Variants in ROBO1 observed in about 807,000 individuals in gnomAD.
ROBO1 encodes roundabout guidance receptor 1, also known as roundabout homolog 1.
In ROBO1, 149 loss-of-function variants were observed where a neutral mutation model predicts 195.9. That is an observed-to-expected ratio of 0.76 (90% CI 0.67 to 0.87). The LOEUF (loss-of-function observed/expected upper bound fraction) is 0.87, where lower values mean the gene tolerates loss of function less well. Among genes scored for constraint, ROBO1 ranks in the 40% least tolerant of loss-of-function variants. The probability of loss-of-function intolerance (pLI) is 0.00; values close to 1 mark genes in which losing one functional copy is unlikely to be tolerated. For missense variants in ROBO1, 1,933 were observed against 2,068.3 expected (o/e 0.93, Z 1.27); for synonymous variants, 816 against 733.2 (o/e 1.11, Z -1.82).
intron 2 of ROBO1, among the ~76,000 whole-genome samples, chr3:79,490,472 CAT>C (rs374571811): frequency 1.9e-3 from 287 of 152,198 alleles, no homozygotes; most frequent in South Asian, 6.6e-3. Flanking sequence ...TGCCCAATAA[CAT>C]ATATATTTAA....
chr3:78,844,903 C>T (rs753949821), intron 4 of ROBO1, among the ~76,000 whole-genome samples: 10 of 151,902 alleles, frequency 6.6e-5, no homozygotes, highest in Admixed American at 6.6e-4. Flanking sequence ...ATTAAGTGCA[C>T]CACCAAATAA....
intron 4 of ROBO1, among the ~76,000 whole-genome samples, chr3:78,819,028 G>T (rs916600872): frequency 6.6e-6 from 1 of 152,122 alleles, no homozygotes; most frequent in African/African-American, 2.4e-5. Context: ...TGTACAAAGG[G>T]TTTGGTACTA....
intron 2 of ROBO1, among the ~76,000 whole-genome samples, chr3:79,373,190 T>A (rs1200529780): frequency 2.6e-5 from 4 of 152,230 alleles, no homozygotes; most frequent in African/African-American, 9.6e-5. Context: ...CTGTTCCATA[T>A]TTGTAACTAC....
At chr3:78,760,206 T>G (rs1012564536) in intron 4 of ROBO1, among the ~76,000 whole-genome samples, 6 of 152,182 alleles carry the variant, frequency 3.9e-5, no homozygotes, top group Admixed American at 6.5e-5. Flanking sequence ...TGTGGAACTG[T>G]GAGTCCATTA....
chr3:79,591,802 T>C (rs191101129), intron 1 of ROBO1, among the ~76,000 whole-genome samples: 2 of 151,858 alleles, frequency 1.3e-5, no homozygotes, highest in Admixed American at 1.3e-4. Context: ...TCATTTCTGC[T>C]TGGCTGGCTT....
At chr3:79,283,959 A>G (rs541804727) in intron 2 of ROBO1, among the ~76,000 whole-genome samples, 1 of 152,028 alleles carries the variant, frequency 6.6e-6, no homozygotes, top group East Asian at 1.9e-4. Context: ...GGCCTCCCAA[A>G]GTGCTGGGAT....
chr3:78,920,595 G>A lies in ROBO1; in HGVS notation c.499+18006C>T, dbSNP rs1372860726. On this transcript the variant is annotated intron_variant, in intron 4 of 30. Transcript: ENST00000464233. ...GCTGGGATTACAGGCATGAGCCACCGTACCCAGCCTTTCTTTTTCTTTCTT... is the reference window on the plus strand; with the variant it reads ...GCTGGGATTACAGGCATGAGCCACCATACCCAGCCTTTCTTTTTCTTTCTT... Among the ~76,000 whole-genome samples the A allele has an allele frequency of 7.1e-5, 10 of 140,440 alleles. No homozygotes were observed. In the East Asian group the frequency reaches 8.5e-4, roughly 12 times the overall value. 92.1% of individuals were successfully genotyped at this position (140,440 alleles called of 152,430 possible). A position where few individuals can be genotyped will look rare whatever the true frequency, so the allele number is the denominator to read the frequency against.
At chr3:79,571,461 G>A (rs1943276986) in intron 2 of ROBO1, among the ~76,000 whole-genome samples, 1 of 151,920 alleles carries the variant, frequency 6.6e-6, no homozygotes, top group African/African-American at 2.4e-5. Flanking sequence ...ACTCAAAGGG[G>A]GGAAAAAGCC....
intron 28 of ROBO1, chr3:78,607,391 T>G (rs1575765080): frequency 4.8e-6 from 1 of 207,988 alleles, no homozygotes; most frequent in African/African-American, 2.3e-5. Context: ...TTTTGTGTTT[T>G]TTGTAGAGAT....
intron 2 of ROBO1, among the ~76,000 whole-genome samples, chr3:79,146,790 A>G (rs1474863407): frequency 6.6e-6 from 1 of 151,996 alleles, no homozygotes; most frequent in Non-Finnish European, 1.5e-5. Flanking sequence ...ATCTAGAAAA[A>G]TTAACATAGA....
At chr3:78,847,614 C>CA (rs1403634297) in intron 4 of ROBO1, among the ~76,000 whole-genome samples, 2 of 152,102 alleles carry the variant, frequency 1.3e-5, no homozygotes, top group African/African-American at 4.8e-5. Flanking sequence ...CGAAGGACTT[C>CA]AAAAAATTCT....
At chr3:79,502,716 T>G (rs111232907) in intron 2 of ROBO1, among the ~76,000 whole-genome samples, 41,490 of 146,090 alleles carry the variant, frequency 0.28, 6,880 homozygotes, top group African/African-American at 0.39. Context: ...AATCTTTATG[T>G]CTAGCTAAGG....
At chr3:78,869,732 T>C (rs1029001571) in intron 4 of ROBO1, among the ~76,000 whole-genome samples, 2 of 152,180 alleles carry the variant, frequency 1.3e-5, no homozygotes. Flanking sequence ...GTGCTGGGGT[T>C]ACATACATGG....
chr3:79,201,506 G>A (rs994976145), intron 2 of ROBO1, among the ~76,000 whole-genome samples: 1 of 152,016 alleles, frequency 6.6e-6, no homozygotes, highest in East Asian at 1.9e-4. Context: ...TACTAATGGG[G>A]AAACTGAGGC....
At chr3:79,043,427 C>A (rs1159097374) in intron 3 of ROBO1, among the ~76,000 whole-genome samples, 3 of 151,904 alleles carry the variant, frequency 2.0e-5, no homozygotes, top group Non-Finnish European at 2.9e-5. Context: ...TTGAAACAAT[C>A]CTTTGGAAAG....
intron 2 of ROBO1, among the ~76,000 whole-genome samples, chr3:79,207,941 A>G (rs2081900919): frequency 6.6e-6 from 1 of 152,120 alleles, no homozygotes; most frequent in Non-Finnish European, 1.5e-5. Flanking sequence ...TCATCTCTTA[A>G]TAATTCAGGA....
chr3:78,819,329 T>C (rs2030582306), intron 4 of ROBO1, among the ~76,000 whole-genome samples: 1 of 152,144 alleles, frequency 6.6e-6, no homozygotes, highest in Non-Finnish European at 1.5e-5. Context: ...GTCATAAAAC[T>C]TCATTTCTAA....
chr3:79,743,517 G>C (rs141589034), intron 1 of ROBO1, among the ~76,000 whole-genome samples: 2 of 152,122 alleles, frequency 1.3e-5, no homozygotes, highest in East Asian at 3.9e-4. Context: ...TATGAACACT[G>C]TACACTTAGA....
intron 4 of ROBO1, among the ~76,000 whole-genome samples, chr3:78,937,674 G>A (rs1282974417): frequency 6.6e-6 from 1 of 152,098 alleles, no homozygotes; most frequent in Non-Finnish European, 1.5e-5. Context: ...AATCCTTCTT[G>A]AGGGTAATTT....
Sources: allele counts gnomAD v4.1 joint callset (sites outside exome capture counted in the v4.1 genomes callset), GRCh38; gene constraint gnomAD v4.1.1; transcripts MANE v1.5; gene names NCBI Gene and HGNC (gene_info 2026-07-23, HGNC 2026-07-21).